The following TAFA2 variants were observed in gnomAD, a reference collection of about 807,000 sequenced individuals.
The protein encoded by TAFA2 is TAFA chemokine like family member 2, also known as chemokine-like protein TAFA-2.
A neutral mutation model predicts 18.8 loss-of-function variants in TAFA2; 7 were observed. The observed-to-expected ratio is 0.37, with a 90% confidence interval of 0.21 to 0.70. The LOEUF (loss-of-function observed/expected upper bound fraction) is 0.70, where lower values mean the gene tolerates loss of function less well. TAFA2 is among the 30% of genes least tolerant of loss of function. TAFA2 has a pLI of 0.53. For synonymous variants in TAFA2, 60 were observed against 54.2 expected, an observed-to-expected ratio of 1.11 and a Z score of -0.47; for missense variants, 122 against 158.1, an observed-to-expected ratio of 0.77 and a Z score of 1.23.
At chr12:61,736,449 T>C (rs1868305871) in intron 4 of TAFA2, among the ~76,000 whole-genome samples, 1 of 151,764 alleles carries the variant, frequency 6.6e-6, no homozygotes, top group East Asian at 1.9e-4. Context: ...TTGGTATTGA[T>C]GAGTCATTCA....
At chr12:61,911,519 C>T (rs926555281) in intron 1 of TAFA2, among the ~76,000 whole-genome samples, 8 of 152,304 alleles carry the variant, frequency 5.3e-5, no homozygotes, top group East Asian at 1.9e-4. Context: ...GGCTACAAAG[C>T]TAAATTCCAC....
chr12:61,852,393 G>A (rs1873711962), intron 2 of TAFA2, among the ~76,000 whole-genome samples: 1 of 152,132 alleles, frequency 6.6e-6, no homozygotes, highest in Non-Finnish European at 1.5e-5. Context: ...CAGAGCGAGT[G>A]AGCTGTGGAT....
Position 61,943,399 on chromosome 12 carries a change from C to G in TAFA2, c.-1-75973G>C, listed in dbSNP as rs978875028. ...ACTAGGAAGAAACTGCATCAACTAACGAGCAAAATCACCAGCTAACATCAT... is the reference window on the plus strand; with the variant it reads ...ACTAGGAAGAAACTGCATCAACTAAGGAGCAAAATCACCAGCTAACATCAT... On this transcript the variant is annotated intron_variant, in intron 1 of 4. Transcript: ENST00000416284. Among the ~76,000 whole-genome samples, 33 of 150,494 alleles carry G rather than the reference C, an allele frequency of 2.2e-4. No individual in the cohort carries two copies. In the South Asian group the frequency reaches 6.0e-3, roughly 27 times the overall value.
At chr12:61,876,459 G>C (rs1384821116) in intron 1 of TAFA2, among the ~76,000 whole-genome samples, 1 of 152,142 alleles carries the variant, frequency 6.6e-6, no homozygotes, top group African/African-American at 2.4e-5. Flanking sequence ...TAACCATCCA[G>C]TATGGTCAAT....
intron 1 of TAFA2, among the ~76,000 whole-genome samples, chr12:62,037,673 A>G (rs1163410455): frequency 6.6e-6 from 1 of 152,216 alleles, no homozygotes; most frequent in Non-Finnish European, 1.5e-5. Context: ...TGAAATCTCC[A>G]AGAAAACTTA....
At chr12:61,979,618 A>C (rs1592527685) in intron 1 of TAFA2, among the ~76,000 whole-genome samples, 1 of 152,240 alleles carries the variant, frequency 6.6e-6, no homozygotes, top group Non-Finnish European at 1.5e-5. Context: ...AATTGGATAA[A>C]GTATCATCAG....
chr12:62,237,597 T>C (rs2062843891), intron 1 of TAFA2, among the ~76,000 whole-genome samples: 1 of 152,212 alleles, frequency 6.6e-6, no homozygotes, highest in African/African-American at 2.4e-5. Flanking sequence ...TTGTTTCTTA[T>C]AAACATACAT....
chr12:61,887,972 T>G (rs552211521), intron 1 of TAFA2, among the ~76,000 whole-genome samples: 8 of 151,952 alleles, frequency 5.3e-5, no homozygotes, highest in African/African-American at 1.7e-4. Flanking sequence ...AAAAAACACA[T>G]GAAAAAATGC....
At chr12:61,867,808 C>A (rs947104705) in intron 1 of TAFA2, among the ~76,000 whole-genome samples, 6 of 152,084 alleles carry the variant, frequency 3.9e-5, no homozygotes, top group Non-Finnish European at 5.9e-5. Flanking sequence ...TTTTTCCTAA[C>A]AATTGCCAAG....
chr12:62,080,688 T>C (rs745433071), intron 1 of TAFA2, among the ~76,000 whole-genome samples: 1 of 152,204 alleles, frequency 6.6e-6, no homozygotes, highest in Non-Finnish European at 1.5e-5. Flanking sequence ...GTTTCATAAT[T>C]TGTAAAACAA....
At chr12:61,858,882 T>C (rs1873998755) in intron 2 of TAFA2, among the ~76,000 whole-genome samples, 1 of 152,140 alleles carries the variant, frequency 6.6e-6, no homozygotes, top group Non-Finnish European at 1.5e-5. Flanking sequence ...AAGAGATAAA[T>C]ACATCTCAGT....
At chr12:62,153,924 ATGT>A (rs1490119851) in intron 1 of TAFA2, among the ~76,000 whole-genome samples, 42 of 131,446 alleles carry the variant, frequency 3.2e-4, no homozygotes, top group African/African-American at 1.0e-3. Flanking sequence ...TAACAAAATT[ATGT>A]TATGTTATGT....
At chr12:61,856,875 CTT>C (rs1873906822) in intron 2 of TAFA2, among the ~76,000 whole-genome samples, 1 of 151,460 alleles carries the variant, frequency 6.6e-6, no homozygotes, top group Non-Finnish European at 1.5e-5. Flanking sequence ...AGCTCAAACA[CTT>C]AATAATATGG....
chr12:62,041,218 T>C lies in TAFA2; in HGVS notation c.-2+150041A>G, dbSNP rs576758359. Among the ~76,000 whole-genome samples, 12 of 152,244 alleles carry C rather than the reference T, an allele frequency of 7.9e-5. No individual in the cohort carries two copies. The South Asian group carries it at 2.1e-3, about 26-fold the overall frequency. On this transcript the variant is annotated intron_variant, in intron 1 of 4. Coordinates refer to ENST00000416284, the MANE Select transcript of TAFA2 (RefSeq NM_178539.5). Reference sequence around the variant, plus strand: ...TATCTACAATCTTCTGAGGGAGGTGTCTTATCCACCTTTCATCGGTCAGAA... The same window carrying C: ...TATCTACAATCTTCTGAGGGAGGTGCCTTATCCACCTTTCATCGGTCAGAA...
In TAFA2 at chr12:62,146,284, C is replaced by CTTTTTT. The variant is rs11415151; in HGVS notation, c.-2+44969_-2+44974dup. ...CTTCAAAGCTTTCTCCCCTTTGCTG[C>CTTTTTT]TTTTTTTTTTTTTTTTTTTGACAGG... On this transcript the variant is annotated intron_variant, in intron 1 of 4. Transcript: ENST00000416284. Among the ~76,000 whole-genome samples, 10 of 117,700 alleles carry CTTTTTT rather than the reference C, an allele frequency of 8.5e-5. 2 individuals carry two copies. Among genetic ancestry groups the CTTTTTT allele is most frequent in the African/African-American group, 1.3e-4 (4 of 31,132 alleles). 77.2% of individuals were successfully genotyped at this position (117,700 alleles called of 152,430 possible).
intron 1 of TAFA2, among the ~76,000 whole-genome samples, chr12:61,906,816 GTAAA>G (rs1876376774): frequency 1.3e-5 from 2 of 152,218 alleles, no homozygotes; most frequent in South Asian, 4.1e-4. Flanking sequence ...GGGAACTGGA[GTAAA>G]GGTAATGCTT....
intron 1 of TAFA2, among the ~76,000 whole-genome samples, chr12:61,908,287 C>T (rs1876450697): frequency 6.6e-6 from 1 of 151,982 alleles, no homozygotes. Flanking sequence ...ATGATGGGGG[C>T]AGATCTTTCT....
In TAFA2 at chr12:61,957,245, G is replaced by T. The variant is rs1878728401; in HGVS notation, c.-1-89819C>A. Reference sequence around the variant, plus strand: ...TCCCTTTTTTCCTTCTCAGCTAATAGAACCCTAATTCTGTCCAGAATAGCC... The same window carrying T: ...TCCCTTTTTTCCTTCTCAGCTAATATAACCCTAATTCTGTCCAGAATAGCC... On this transcript the variant is annotated intron_variant, in intron 1 of 4. Coordinates refer to ENST00000416284, the MANE Select transcript of TAFA2 (RefSeq NM_178539.5). 2.0e-5 allele frequency among the ~76,000 whole-genome samples: 3 copies of T among 152,188 alleles called. 1 individual carries two copies. The Middle Eastern group carries it at 0.01, about 521-fold the overall frequency.
chr12:62,049,903 T>C (rs1017012017), intron 1 of TAFA2, among the ~76,000 whole-genome samples: 1 of 152,232 alleles, frequency 6.6e-6, no homozygotes, highest in Non-Finnish European at 1.5e-5. Context: ...AGGAAAGTGT[T>C]GCTACCAATT....
Sources: allele counts gnomAD v4.1 joint callset (sites outside exome capture counted in the v4.1 genomes callset), GRCh38; gene constraint gnomAD v4.1.1; transcripts MANE v1.5; gene names NCBI Gene and HGNC (gene_info 2026-07-23, HGNC 2026-07-21).